KCNH5: variants seen among roughly 807,000 people sequenced by gnomAD.
The protein encoded by KCNH5 is voltage-gated delayed rectifier potassium channel KCNH5.
A neutral mutation model predicts 96.1 loss-of-function variants in KCNH5; 46 were observed. The observed-to-expected ratio is 0.48, with a 90% confidence interval of 0.38 to 0.61. KCNH5 has a LOEUF of 0.61. KCNH5 is among the 20% of genes least tolerant of loss of function. KCNH5 has a pLI of 0.00. For synonymous variants in KCNH5, 439 were observed against 449.8 expected (o/e 0.98, Z 0.30); for missense variants, 907 against 1,225.8 (o/e 0.74, Z 3.88).
chr14:62,867,020 CT>C (rs1888147588), intron 7 of KCNH5, among the ~76,000 whole-genome samples: 3 of 152,136 alleles, frequency 2.0e-5, no homozygotes, highest in South Asian at 4.1e-4. Context: ...AAATGTGGAT[CT>C]ACCATTTACC....
At chr14:62,758,388 A>G (rs1476766517) in intron 10 of KCNH5, among the ~76,000 whole-genome samples, 2 of 152,090 alleles carry the variant, frequency 1.3e-5, no homozygotes, top group African/African-American at 4.8e-5. Flanking sequence ...TATACCTACT[A>G]TATACCCACT....
At chr14:62,752,564 G>A (rs1298741236) in intron 10 of KCNH5, among the ~76,000 whole-genome samples, 1 of 151,988 alleles carries the variant, frequency 6.6e-6, no homozygotes, top group Non-Finnish European at 1.5e-5. Context: ...AACATTGGAG[G>A]TACCCTGGTA....
chr14:62,774,253 C>T (rs1886050140), intron 10 of KCNH5, among the ~76,000 whole-genome samples: 1 of 150,060 alleles, frequency 6.7e-6, no homozygotes, highest in Non-Finnish European at 1.5e-5. Context: ...ACAAAGGCAT[C>T]TTTTCCTGAC....
At chr14:62,808,280 T>C (rs1210488206) in intron 8 of KCNH5, among the ~76,000 whole-genome samples, 2 of 152,104 alleles carry the variant, frequency 1.3e-5, no homozygotes, top group Non-Finnish European at 2.9e-5. Flanking sequence ...GCTAAAGATT[T>C]AAACAGGTTG....
chr14:62,961,191 A>T (rs1890198684), intron 6 of KCNH5, among the ~76,000 whole-genome samples: 1 of 152,064 alleles, frequency 6.6e-6, no homozygotes, highest in East Asian at 1.9e-4. Context: ...TTAGAATAAA[A>T]CCCAAACTCC....
At chr14:62,830,100 G>C (rs1335058902) in intron 8 of KCNH5, among the ~76,000 whole-genome samples, 1 of 152,134 alleles carries the variant, frequency 6.6e-6, no homozygotes, top group Non-Finnish European at 1.5e-5. Flanking sequence ...CTAAATCATA[G>C]CAAAAGTGAC....
chr14:62,985,969 T>A (rs190409083), intron 5 of KCNH5, among the ~76,000 whole-genome samples: 60 of 152,302 alleles, frequency 3.9e-4, no homozygotes, highest in Middle Eastern at 3.4e-3. Flanking sequence ...ATCAAAAACA[T>A]AGAATTGTCC....
At chr14:63,034,764 G>A (rs1365379820) in intron 1 of KCNH5, among the ~76,000 whole-genome samples, 2 of 152,068 alleles carry the variant, frequency 1.3e-5, no homozygotes, top group African/African-American at 2.4e-5. Context: ...CAGCTACAGT[G>A]GTTCAAAATG....
chr14:62,731,672 A>G (rs1458611961), intron 10 of KCNH5, among the ~76,000 whole-genome samples: 1 of 152,216 alleles, frequency 6.6e-6, no homozygotes, highest in Non-Finnish European at 1.5e-5. Context: ...ACTTTATGAA[A>G]TAGTTCTAAG....
At chr14:62,803,038 C>A (rs1420843330) in intron 8 of KCNH5, among the ~76,000 whole-genome samples, 6 of 152,130 alleles carry the variant, frequency 3.9e-5, no homozygotes, top group Admixed American at 3.9e-4. Flanking sequence ...GTAGTTCTAG[C>A]TACTTGGGAG....
At chr14:63,023,457 T>C (rs924261715) in intron 1 of KCNH5, among the ~76,000 whole-genome samples, 4 of 152,216 alleles carry the variant, frequency 2.6e-5, no homozygotes, top group Non-Finnish European at 5.9e-5. Flanking sequence ...ATTCCATATA[T>C]GCTAACTTTG....
At chr14:62,994,160 CTACAT>C (rs10611076) in intron 4 of KCNH5, among the ~76,000 whole-genome samples, 22,185 of 151,916 alleles carry the variant, frequency 0.15, 2,368 homozygotes, top group African/African-American at 0.31. Flanking sequence ...GCCAAAGAGA[CTACAT>C]TACATAGTAT....
Position 62,704,914 on chromosome 14 carries a change from A to T in KCNH5, c.*2594T>A, listed in dbSNP as rs1375246958. The T allele has an allele frequency of 6.6e-6, 1 of 151,936 alleles. No homozygotes were observed. The highest frequency in any genetic ancestry group is 6.6e-5 in the Admixed American group (1 of 15,262). 9.4% of individuals were successfully genotyped at this position (151,936 alleles called of 1,614,324 possible). ...CTGCTAAGATTTGTGGAATCTGGGAACCTAAAAGACTACTCTATATACAAT... is the reference window on the plus strand; with the variant it reads ...CTGCTAAGATTTGTGGAATCTGGGATCCTAAAAGACTACTCTATATACAAT... On this transcript the variant is annotated 3_prime_UTR_variant, in exon 11 of 11. Transcript: ENST00000322893.
chr14:62,820,310 AT>A (rs1369256829), intron 8 of KCNH5, among the ~76,000 whole-genome samples: 1 of 149,078 alleles, frequency 6.7e-6, no homozygotes, highest in Non-Finnish European at 1.5e-5. Flanking sequence ...GCTTTTCTTT[AT>A]TTTTTTGTCA....
intron 6 of KCNH5, among the ~76,000 whole-genome samples, chr14:62,970,734 G>C (rs1028421328): frequency 6.6e-6 from 1 of 152,058 alleles, no homozygotes; most frequent in Admixed American, 6.5e-5. Context: ...ACATCAACAA[G>C]CTAAAGGAAA....
intron 10 of KCNH5, among the ~76,000 whole-genome samples, chr14:62,749,022 G>A (rs1325508100): frequency 6.6e-6 from 1 of 152,160 alleles, no homozygotes; most frequent in Admixed American, 6.6e-5. Flanking sequence ...CATAGCTTGG[G>A]TGATATTATT....
intron 7 of KCNH5, among the ~76,000 whole-genome samples, chr14:62,942,283 T>G (rs1889804186): frequency 6.6e-6 from 1 of 152,178 alleles, no homozygotes; most frequent in Admixed American, 6.6e-5. Flanking sequence ...ATTTCAACTT[T>G]GGCATTTCAC....
At chr14:62,806,115 C>T (rs1886761263) in intron 8 of KCNH5, among the ~76,000 whole-genome samples, 1 of 152,150 alleles carries the variant, frequency 6.6e-6, no homozygotes, top group South Asian at 2.1e-4. Context: ...CTCACTACTA[C>T]ACTCCCATCA....
Position 62,859,533 on chromosome 14 carries a change from A to T in KCNH5, c.1370-9681T>A, listed in dbSNP as rs528772526. Among the ~76,000 whole-genome samples, 53 of 152,226 alleles carry T rather than the reference A, an allele frequency of 3.5e-4. 1 individual carries two copies. The highest frequency in any genetic ancestry group is 6.9e-4 in the Non-Finnish European group (47 of 68,036). On this transcript the variant is annotated intron_variant, in intron 7 of 10. Transcript: ENST00000322893. ...CTTCACAGTTTTTGACCACTCAAAA[A>T]AGTCCATCCACATACCTCTTCCCCA... is the stretch of plus-strand genomic sequence containing the variant.
Sources: allele counts gnomAD v4.1 joint callset (sites outside exome capture counted in the v4.1 genomes callset), GRCh38; gene constraint gnomAD v4.1.1; transcripts MANE v1.5; gene names NCBI Gene and HGNC (gene_info 2026-07-23, HGNC 2026-07-21).